The following DDX60L variants were observed in gnomAD, a reference collection of about 807,000 sequenced individuals.
DDX60L encodes the protein DExD/H-box 60 like.
In DDX60L, 191 loss-of-function variants were observed where a neutral mutation model predicts 211.6. The observed-to-expected ratio is 0.90, with a 90% CI of 0.80 to 1.02. The LOEUF is 1.02. Among genes scored for constraint, DDX60L ranks in the 50% least tolerant of loss-of-function variants. The pLI is 0.00. For missense variants in DDX60L, 2,007 were observed against 1,984.1 expected, an observed-to-expected ratio of 1.01 and a Z score of -0.22; for synonymous variants, 706 against 694.1, an observed-to-expected ratio of 1.02 and a Z score of -0.27.
At chr4:168,362,654 G>A (rs943590691) in intron 36 of DDX60L, among the ~76,000 whole-genome samples, 31 of 152,088 alleles carry the variant, frequency 2.0e-4, no homozygotes, top group Admixed American at 1.4e-3. Context: ...CAAAAAAATC[G>A]TGGAGCTAAA....
chr4:168,467,626 C>T (rs1758182765), intron 4 of DDX60L, among the ~76,000 whole-genome samples: 2 of 152,064 alleles, frequency 1.3e-5, no homozygotes, highest in African/African-American at 4.8e-5. Flanking sequence ...CAAGATAAAA[C>T]AGAAAGTCTA....
chr4:168,467,539 C>T lies in DDX60L; in HGVS notation c.264+4208G>A, dbSNP rs546890408. Among the ~76,000 whole-genome samples, 10 of 150,404 alleles carry T rather than the reference C, an allele frequency of 6.6e-5. No individual in the cohort carries two copies. The South Asian group carries it at 2.1e-3, about 32-fold the overall frequency. ...GAGGAAAATAAGAGAATATTATAGG[C>T]AACTTTATGCCAAAACATTAGACAA... On this transcript the variant is annotated intron_variant, in intron 4 of 37. Coordinates refer to ENST00000682922, the MANE Select transcript of DDX60L (RefSeq NM_001012967.3).
rs1477950790 is a variant in DDX60L, at chr4:168,373,722, C to T, written c.4720G>A (p.Val1574Ile). 1.2e-6 allele frequency: 2 copies of T among 1,613,910 alleles called. No individual in the cohort carries two copies. Among genetic ancestry groups the T allele is most frequent in the East Asian group, 4.5e-5 (2 of 44,884 alleles). ...KKGRVAISPF[V>I]CLSGNTDNDL... ...TTATCTGTGTTCCCCGAAAGACAAA[C>T]AAATGGTGAAATGGCTACTCTTCCT... The change falls in exon 35 of 38, where the codon GTT (valine) becomes ATT (isoleucine). Residue 1574 changes from valine to isoleucine, a missense_variant. Coordinates refer to ENST00000682922, the MANE Select transcript of DDX60L (RefSeq NM_001012967.3).
At chr4:168,413,737 G>C (rs139788794) in intron 22 of DDX60L, among the ~76,000 whole-genome samples, 32 of 152,066 alleles carry the variant, frequency 2.1e-4, no homozygotes, top group Non-Finnish European at 4.3e-4. Flanking sequence ...GTAAGATATA[G>C]AAAATAGCCT....
At chr4:168,367,668 G>A (rs28854922) in intron 36 of DDX60L, among the ~76,000 whole-genome samples, 1 of 152,180 alleles carries the variant, frequency 6.6e-6, no homozygotes. Context: ...ATAGGAAAAC[G>A]TGGGAAAGTT....
At chr4:168,413,779 A>G (rs1353721649) in intron 22 of DDX60L, among the ~76,000 whole-genome samples, 3 of 152,176 alleles carry the variant, frequency 2.0e-5, no homozygotes, top group Non-Finnish European at 4.4e-5. Context: ...TATTGGCCTT[A>G]AAGGGGCTTA....
At chr4:168,460,740 G>A (rs573300483) in intron 5 of DDX60L, among the ~76,000 whole-genome samples, 6 of 152,202 alleles carry the variant, frequency 3.9e-5, no homozygotes, top group East Asian at 3.9e-4. Flanking sequence ...AAGGCAGGCC[G>A]CACAGGGTAA....
In DDX60L at chr4:168,375,400, T is replaced by C. The variant is rs1233222843; in HGVS notation, c.4610A>G (p.His1537Arg). 6.2e-7 allele frequency: 1 copy of C among 1,612,736 alleles called. No homozygotes were observed. The highest frequency in any genetic ancestry group is 1.7e-5 in the Admixed American group (1 of 59,810). The stretch of plus-strand genomic sequence containing the variant: ...ACTGATTCTTGACAAAGGGAGTTGA[T>C]GCTCTTTTTTCATGTTCACCGACTT... The part of the protein sequence containing the change: ...ASKSVNMKKE[H>R]QLPLSRIKFT... The change falls in exon 34 of 38, where the codon CAT becomes CGT. Residue 1537 changes from histidine (H) to arginine (R), a missense_variant. Transcript: ENST00000682922.
rs201155959 is a variant in DDX60L, at chr4:168,430,522, G to T, written c.1633C>A (p.Arg545=). Residue 545 remains arginine, a synonymous_variant, in exon 13 of 38, where the codon CGG becomes AGG. Transcript: ENST00000682922. ...GCACCACTGGAATCCTCCTTTGGCC[G>T]AGTAGTTTGAGTCACAATGACTTTC... The part of the protein sequence containing the change: ...STKVIVTQTT[R]PKEDSSGASG... 3 of 1,609,958 alleles carry T rather than the reference G, an allele frequency of 1.9e-6. No homozygotes were observed. The South Asian group carries it at 3.3e-5, about 18-fold the overall frequency.
intron 1 of DDX60L, among the ~76,000 whole-genome samples, chr4:168,477,235 G>GA (rs1453259338): frequency 6.6e-6 from 1 of 152,058 alleles, no homozygotes; most frequent in Non-Finnish European, 1.5e-5. Flanking sequence ...CTAACATGGT[G>GA]AAACCCTGTC....
chr4:168,385,199 AAGGGAGAAG>A (rs1229611213), intron 29 of DDX60L, among the ~76,000 whole-genome samples: 2 of 152,126 alleles, frequency 1.3e-5, no homozygotes, highest in African/African-American at 4.8e-5. Flanking sequence ...ATTTCTGGGG[AAGGGAGAAG>A]GGCTCAAGGT....
chr4:168,472,233 A>G (rs1037872649), intron 3 of DDX60L, among the ~76,000 whole-genome samples: 2 of 152,194 alleles, frequency 1.3e-5, no homozygotes, highest in African/African-American at 4.8e-5. Flanking sequence ...CTGGATAAGG[A>G]CATATATAAC....
intron 36 of DDX60L, among the ~76,000 whole-genome samples, chr4:168,365,254 TAAAC>T (rs1225953298): frequency 1.3e-5 from 2 of 151,942 alleles, no homozygotes; most frequent in African/African-American, 2.4e-5. Context: ...TTTAAAAAGA[TAAAC>T]AAAATTGATA....
chr4:168,362,604 A>T (rs968389091), intron 36 of DDX60L, among the ~76,000 whole-genome samples: 2 of 152,176 alleles, frequency 1.3e-5, no homozygotes, highest in African/African-American at 4.8e-5. Flanking sequence ...TACCACCAAC[A>T]TCTGTAGCCT....
rs1243414819 is a variant in DDX60L at position 168,472,722 on chromosome 4, G to A, written c.-23C>T. On this transcript the variant is annotated 5_prime_UTR_variant, in exon 2 of 38. Coordinates refer to ENST00000682922, the MANE Select transcript of DDX60L (RefSeq NM_001012967.3). ...CATCGTTGCTGCTTCTTGGGCTACA[G>A]GGTAGAAGAGTAGAGCTGGAATTTA... 6.2e-7 allele frequency: 1 copy of A among 1,612,578 alleles called. No homozygotes were observed. The highest frequency in any genetic ancestry group is 2.2e-5 in the East Asian group (1 of 44,838).
At chr4:168,359,561 G>C (rs1214191863) in intron 37 of DDX60L, among the ~76,000 whole-genome samples, 1 of 152,078 alleles carries the variant, frequency 6.6e-6, no homozygotes, top group Non-Finnish European at 1.5e-5. Flanking sequence ...CCTGGAATAT[G>C]GGTATAGCCT....
intron 29 of DDX60L, among the ~76,000 whole-genome samples, chr4:168,389,538 G>A (rs1254239014): frequency 1.3e-5 from 2 of 152,174 alleles, no homozygotes; most frequent in Non-Finnish European, 2.9e-5. Context: ...ATAGCTTCAT[G>A]CCACATATTC....
intron 36 of DDX60L, among the ~76,000 whole-genome samples, chr4:168,371,100 AATTT>A (rs1740934982): frequency 1.3e-5 from 2 of 151,412 alleles, no homozygotes; most frequent in African/African-American, 4.9e-5. Flanking sequence ...TAAAAATATT[AATTT>A]ATTTCATAAA....
Position 168,404,023 on chromosome 4 carries a change from T to C in DDX60L, c.3297A>G (p.Glu1099=). The C allele has an allele frequency of 6.6e-7, 1 of 1,508,738 alleles. No homozygotes were observed. Among genetic ancestry groups the C allele is most frequent in the South Asian group, 1.4e-5 (1 of 72,810 alleles). 93.5% of individuals were successfully genotyped at this position (1,508,738 alleles called of 1,614,324 possible). Residue 1099 remains glutamate, a synonymous_variant, in exon 25 of 38, where the codon GAA becomes GAG. Transcript: ENST00000682922. ...DMVKMFPLLV[E]KLRQMDKLPA... is the part of the protein sequence containing the mutation. ...GCAACTTATCCATTTGTCTTAACTT[T>C]TCAACAAGAAGAGGAAACATTTTCA...
Sources: allele counts gnomAD v4.1 joint callset (sites outside exome capture counted in the v4.1 genomes callset), GRCh38; gene constraint gnomAD v4.1.1; transcripts MANE v1.5; gene names NCBI Gene and HGNC (gene_info 2026-07-23, HGNC 2026-07-21).